Variants in SCUBE1 observed in about 807,000 individuals in gnomAD.
SCUBE1 encodes the protein signal peptide, CUB domain and EGF like domain containing 1.
In SCUBE1, 59 loss-of-function variants were observed where a neutral mutation model predicts 124.4. The ratio of observed to expected loss-of-function variants is 0.47; its 90% CI spans 0.38 to 0.59. The LOEUF (loss-of-function observed/expected upper bound fraction) is 0.59, where lower values mean the gene tolerates loss of function less well. Ranked by LOEUF, SCUBE1 falls within the 20% of genes least tolerant of loss-of-function variation. The pLI, the probability that SCUBE1 is intolerant of heterozygous loss-of-function variation, is 0.00. For synonymous variants in SCUBE1, 545 were observed against 550.9 expected (o/e 0.99, Z 0.15); for missense variants, 1,150 against 1,371.2 (o/e 0.84, Z 2.55).
At chr22:43,274,629 A>G (rs1924425956) in intron 4 of SCUBE1, among the ~76,000 whole-genome samples, 1 of 152,236 alleles carries the variant, frequency 6.6e-6, no homozygotes, top group Non-Finnish European at 1.5e-5. Context: ...TTCCCACAGC[A>G]GCCCTGGGAA....
At chr22:43,323,064 A>AT (rs2146788134) in intron 2 of SCUBE1, among the ~76,000 whole-genome samples, 1 of 152,340 alleles carries the variant, frequency 6.6e-6, no homozygotes, top group Admixed American at 6.5e-5. Context: ...GTCCTTTCTA[A>AT]TAAGTTAGAA....
intron 7 of SCUBE1, among the ~76,000 whole-genome samples, chr22:43,235,972 C>A (rs1157664833): frequency 6.6e-6 from 1 of 152,202 alleles, no homozygotes; most frequent in Non-Finnish European, 1.5e-5. Flanking sequence ...ACCCTGCCTC[C>A]ACCTGCCCAC....
intron 21 of SCUBE1, among the ~76,000 whole-genome samples, chr22:43,205,703 C>CA (rs1555985886): frequency 1.8e-5 from 2 of 113,878 alleles, no homozygotes; most frequent in African/African-American, 8.0e-5. Context: ...ACACACACCA[C>CA]CCACTCACCA....
chr22:43,227,701 C>G, intron 9 of SCUBE1, among the ~76,000 whole-genome samples: 1 of 152,126 alleles, frequency 6.6e-6, no homozygotes, highest in Non-Finnish European at 1.5e-5. Flanking sequence ...GCGTCCCTTC[C>G]CCCAGGAACC....
At chr22:43,253,076 C>T (rs1923519153) in intron 6 of SCUBE1, among the ~76,000 whole-genome samples, 1 of 147,808 alleles carries the variant, frequency 6.8e-6, no homozygotes, top group South Asian at 2.1e-4. Context: ...GGAACGGTCA[C>T]CTCCCTACCT....
intron 5 of SCUBE1, among the ~76,000 whole-genome samples, chr22:43,261,386 G>A (rs1306306869): frequency 6.6e-6 from 1 of 152,214 alleles, no homozygotes; most frequent in African/African-American, 2.4e-5. Flanking sequence ...GAGAAAGGTG[G>A]TCCGCCTCTT....
chr22:43,227,210 T>G (rs1170685651), intron 10 of SCUBE1, among the ~76,000 whole-genome samples, 164 bp downstream of exon 10: 1 of 152,058 alleles, frequency 6.6e-6, no homozygotes, highest in Non-Finnish European at 1.5e-5. Context: ...AAGTCCTCAT[T>G]CCCATCAGCC....
chr22:43,262,280 A>G (rs1923898902), intron 5 of SCUBE1, among the ~76,000 whole-genome samples: 1 of 152,164 alleles, frequency 6.6e-6, no homozygotes, highest in Admixed American at 6.5e-5. Flanking sequence ...AGGTGTGCAG[A>G]GTTCTGATCT....
At chr22:43,259,912 GGT>G (rs2146708896) in intron 5 of SCUBE1, among the ~76,000 whole-genome samples, 1 of 152,192 alleles carries the variant, frequency 6.6e-6, no homozygotes, top group East Asian at 1.9e-4. Flanking sequence ...TCTTCTCCAG[GGT>G]GGAGCCGGCA....
At chr22:43,231,613 GA>G in intron 8 of SCUBE1, 139 bp downstream of exon 8, 2 of 978,078 alleles carry the variant, frequency 2.0e-6, no homozygotes, top group East Asian at 5.3e-5. Context: ...ATGTCCCCTA[GA>G]GTCGTAAAGG....
chr22:43,214,305 T>A (rs1377926838), intron 15 of SCUBE1, 54 bp from the exon 16 acceptor site: 1 of 1,542,758 alleles, frequency 6.5e-7, no homozygotes, highest in Non-Finnish European at 8.8e-7. Flanking sequence ...AGGCCAGGGG[T>A]GTCTCCTGTG....
In SCUBE1 at chr22:43,255,341, A is replaced by T; in HGVS notation, c.727+2878T>A. 1.4e-6 allele frequency: 1 copy of T among 731,342 alleles called. No homozygotes were observed. Among genetic ancestry groups the T allele is most frequent in the Non-Finnish European group, 2.4e-6 (1 of 421,722 alleles). 45.3% of individuals were successfully genotyped at this position (731,342 alleles called of 1,614,324 possible). On this transcript the variant is annotated intron_variant, in intron 6 of 21. Transcript: ENST00000360835. This position sits in a 1 kb window ranked among gnomAD's most constrained non-coding sequence, Gnocchi z 4.7. ...CACACACGTGGGCACACCCCACAAC[A>T]CAGACATATGCCCCCACACGCACAC...
At chr22:43,257,619 A>G (rs139030) in intron 6 of SCUBE1, among the ~76,000 whole-genome samples, 30,967 of 152,166 alleles carry the variant, frequency 0.2, 3,246 homozygotes, top group South Asian at 0.24. Context: ...AAGAAAGGCC[A>G]GCAGGGGCCC....
chr22:43,319,882 A>G, intron 3 of SCUBE1, 55 bp downstream of exon 3: 5 of 1,597,868 alleles, frequency 3.1e-6, no homozygotes, highest in Non-Finnish European at 4.3e-6. Context: ...TGTAAGCTGG[A>G]GCAAAGCAAC....
intron 4 of SCUBE1, among the ~76,000 whole-genome samples, chr22:43,284,128 T>A (rs535067118): frequency 1.2e-4 from 19 of 152,208 alleles, no homozygotes; most frequent in Non-Finnish European, 2.4e-4. Flanking sequence ...GACAACACAG[T>A]GGTATGTAAC....
chr22:43,238,389 A>T, intron 7 of SCUBE1: 1 of 361,930 alleles, frequency 2.8e-6, no homozygotes, highest in African/African-American at 2.1e-5. Context: ...TGTGTGTCCC[A>T]GATGGCCCAA....
At position 43,280,466 on chromosome 22, in the gene SCUBE1, CCTCCCGTCCCTTCCCCTCACCCAT is replaced by C. The variant is rs2146734463; in HGVS notation, c.484+10556_484+10579del. Reference sequence around the variant, plus strand: ...CCCCCTGTCCCTTCCCCTCACCCATCCTCCCGTCCCTTCCCCTCACCCATCCCCGTCCCTTCCCCTCACCCATCC... The same window carrying C: ...CCCCCTGTCCCTTCCCCTCACCCATCCCCCGTCCCTTCCCCTCACCCATCC... On this transcript the variant is annotated intron_variant, in intron 4 of 21. Coordinates refer to ENST00000360835, the MANE Select transcript of SCUBE1 (RefSeq NM_173050.5). 3.4e-5 allele frequency among the ~76,000 whole-genome samples: 3 copies of C among 87,738 alleles called. 1 individual carries two copies. Among genetic ancestry groups the C allele is most frequent in the African/African-American group, 1.6e-4 (2 of 12,284 alleles). The allele number at this position is 87,738 out of a possible 152,430, so 57.6% of individuals were successfully genotyped here. A position where few individuals can be genotyped will look rare whatever the true frequency, so the allele number is the denominator to read the frequency against.
At chr22:43,307,220 C>T (rs1339324483) in intron 3 of SCUBE1, among the ~76,000 whole-genome samples, 1 of 152,178 alleles carries the variant, frequency 6.6e-6, no homozygotes, top group Non-Finnish European at 1.5e-5. Context: ...CAGAGGGAAG[C>T]CTAGGGGAGG....
At position 43,320,016 on chromosome 22, in the gene SCUBE1, C is replaced by T; in HGVS notation, c.270G>A (p.Glu90=). ...NDYYNGGCVH[E]CINIPGNYRC... is the part of the protein sequence containing the mutation. ...TGTAGTTCCCCGGGATGTTGATGCA[C>T]TCGTGGACACAGCCCCCATTGTAGT... The change falls in exon 3 of 22, where the codon GAG becomes GAA. Residue 90 remains glutamate (E), a synonymous_variant. Coordinates refer to ENST00000360835, the MANE Select transcript of SCUBE1 (RefSeq NM_173050.5). 1 of 1,614,130 alleles carries T rather than the reference C, an allele frequency of 6.2e-7. No homozygotes were observed. Among genetic ancestry groups the T allele is most frequent in the Non-Finnish European group, 8.5e-7 (1 of 1,180,006 alleles).
Sources: allele counts gnomAD v4.1 joint callset (sites outside exome capture counted in the v4.1 genomes callset), GRCh38; gene constraint gnomAD v4.1.1; non-coding constraint Gnocchi (gnomAD v3.1); transcripts MANE v1.5; gene names NCBI Gene and HGNC (gene_info 2026-07-23, HGNC 2026-07-21).